Variants in CLNK observed in about 807,000 individuals in gnomAD.
The protein encoded by CLNK is cytokine dependent hematopoietic cell linker, also known as cytokine-dependent hematopoietic cell linker.
In CLNK, 74 loss-of-function variants were observed where a neutral mutation model predicts 68.6. That is an observed-to-expected ratio of 1.08 (90% CI 0.89 to 1.31). The LOEUF (loss-of-function observed/expected upper bound fraction) is 1.31. Among genes scored for constraint, CLNK ranks in the 50% most tolerant of loss-of-function variants. The pLI, the probability that CLNK is intolerant of heterozygous loss-of-function variation, is 0.00. For missense variants in CLNK, 553 were observed against 515.3 expected, an observed-to-expected ratio of 1.07 and a Z score of -0.71; for synonymous variants, 198 against 172.2, an observed-to-expected ratio of 1.15 and a Z score of -1.17.
chr4:10,688,252 G>A (rs1226374263), upstream of CLNK, among the ~76,000 whole-genome samples: 1 of 151,716 alleles, frequency 6.6e-6, no homozygotes, highest in Non-Finnish European at 1.5e-5. Context: ...TGTGTGTAGA[G>A]CTAAATCTAT....
chr4:10,593,595 A>G (rs1721270223), intron 3 of CLNK, among the ~76,000 whole-genome samples: 2 of 152,300 alleles, frequency 1.3e-5, no homozygotes, highest in African/African-American at 2.4e-5. Context: ...CGGAGGTTGC[A>G]GTGAGCTGAG....
intron 8 of CLNK, among the ~76,000 whole-genome samples, chr4:10,550,875 C>A (rs764764455): frequency 6.6e-6 from 1 of 152,166 alleles, no homozygotes; most frequent in Non-Finnish European, 1.5e-5. Context: ...ACTGCTCTTG[C>A]GCTTTTGGAC....
intron 2 of CLNK, among the ~76,000 whole-genome samples, chr4:10,638,125 G>A (rs1254316613): frequency 6.6e-6 from 1 of 152,088 alleles, no homozygotes; most frequent in Non-Finnish European, 1.5e-5. Flanking sequence ...TCTACACCAC[G>A]GCCTGACATT....
chr4:10,720,686 A>T, the CLNK span, among the ~76,000 whole-genome samples: 2 of 150,790 alleles, frequency 1.3e-5, no homozygotes, highest in Admixed American at 1.3e-4. Context: ...TACAAAAAAA[A>T]ATAGTGACAC....
chr4:10,648,913 A>G (rs1444355489), intron 2 of CLNK, among the ~76,000 whole-genome samples: 2 of 152,174 alleles, frequency 1.3e-5, no homozygotes, highest in East Asian at 3.8e-4. Context: ...CAAACCAGGG[A>G]GATCTGGTTT....
chr4:10,657,248 A>G (rs1420218461), intron 2 of CLNK, among the ~76,000 whole-genome samples: 1 of 152,234 alleles, frequency 6.6e-6, no homozygotes, highest in Admixed American at 6.5e-5. Flanking sequence ...CAAAGTATTT[A>G]TAATGATATA....
At chr4:10,686,954 C>T (rs2108906993), upstream of CLNK, among the ~76,000 whole-genome samples, 1 of 152,016 alleles carries the variant, frequency 6.6e-6, no homozygotes, top group Admixed American at 6.6e-5. Flanking sequence ...TGAATATATA[C>T]CATGCATCAG....
At position 10,636,653 on chromosome 4, in the gene CLNK, C is replaced by T. The variant is rs541389345; in HGVS notation, c.11+31206G>A. ...GTGTAGCAGAAGGAATAGCAGCACG[C>T]CAAGGCATGGAGACAGCTCTCATAC... On this transcript the variant is annotated intron_variant, in intron 2 of 18. Transcript: ENST00000226951. Among the ~76,000 whole-genome samples the T allele has an allele frequency of 3.9e-5, 6 of 152,192 alleles. No individual in the cohort carries two copies. The East Asian group carries it at 1.2e-3, about 29-fold the overall frequency.
intron 2 of CLNK, among the ~76,000 whole-genome samples, chr4:10,659,763 A>G (rs1229107395): frequency 6.6e-6 from 1 of 152,220 alleles, no homozygotes; most frequent in Non-Finnish European, 1.5e-5. Context: ...CTGAAATTTT[A>G]CACATCTAGA....
At chr4:10,652,059 A>G (rs998192895) in intron 2 of CLNK, among the ~76,000 whole-genome samples, 1 of 152,114 alleles carries the variant, frequency 6.6e-6, no homozygotes, top group African/African-American at 2.4e-5. Flanking sequence ...AATTTTAGTA[A>G]CTGTAAATGG....
chr4:10,732,283 G>T, the CLNK span, among the ~76,000 whole-genome samples: 1 of 152,214 alleles, frequency 6.6e-6, no homozygotes, highest in Non-Finnish European at 1.5e-5. Flanking sequence ...GCTACATCTG[G>T]CACATTACTG....
At chr4:10,632,054 C>G (rs1381309700) in intron 2 of CLNK, among the ~76,000 whole-genome samples, 1 of 152,202 alleles carries the variant, frequency 6.6e-6, no homozygotes, top group Non-Finnish European at 1.5e-5. Context: ...TGTTTACCTG[C>G]TATCTCTAAT....
intron 2 of CLNK, among the ~76,000 whole-genome samples, chr4:10,599,956 A>C (rs543398627): frequency 1.3e-5 from 2 of 152,346 alleles, no homozygotes; most frequent in South Asian, 4.1e-4. Flanking sequence ...TTAATAGCAG[A>C]ATATTATCAA....
intron 4 of CLNK, among the ~76,000 whole-genome samples, chr4:10,575,710 G>C (rs571171365): frequency 1.3e-5 from 2 of 152,254 alleles, no homozygotes; most frequent in African/African-American, 4.8e-5. Context: ...TTCTTGCCTT[G>C]ATAGCTGGGC....
At chr4:10,654,829 G>A (rs569262602) in intron 2 of CLNK, among the ~76,000 whole-genome samples, 19 of 152,176 alleles carry the variant, frequency 1.2e-4, no homozygotes, top group East Asian at 1.9e-4. Flanking sequence ...TCGGCCAGGC[G>A]TGGTGGCTCA....
At chr4:10,721,721 G>T in the CLNK span, among the ~76,000 whole-genome samples, 32 of 152,132 alleles carry the variant, frequency 2.1e-4, no homozygotes, top group Non-Finnish European at 4.6e-4. Context: ...GTTAGGCGTT[G>T]TACTAAGCAC....
chr4:10,711,880 G>A, the CLNK span, among the ~76,000 whole-genome samples: 8 of 152,328 alleles, frequency 5.3e-5, no homozygotes, highest in East Asian at 1.3e-3. Context: ...AAGGTTTGAA[G>A]TTGGGAGAAA....
chr4:10,600,732 T>A (rs1307659609), intron 2 of CLNK, among the ~76,000 whole-genome samples: 1 of 152,216 alleles, frequency 6.6e-6, no homozygotes. Flanking sequence ...TAGCGAGCCA[T>A]GTAGTTAACT....
rs559236799 is a variant in CLNK at position 10,624,891 on chromosome 4, C to T, written c.12-26842G>A. Among the ~76,000 whole-genome samples, 21 of 152,258 alleles carry T rather than the reference C, an allele frequency of 1.4e-4. No homozygotes were observed. In the South Asian group the frequency reaches 4.4e-3, roughly 32 times the overall value. ...CTTACAGAAGGAGATGTCCGCCCCA[C>T]ATCTCTAAACTCATGGGTGGAAACT... On this transcript the variant is annotated intron_variant, in intron 2 of 18. Coordinates refer to ENST00000226951, the MANE Select transcript of CLNK (RefSeq NM_052964.4).
Sources: allele counts gnomAD v4.1 joint callset (sites outside exome capture counted in the v4.1 genomes callset), GRCh38; gene constraint gnomAD v4.1.1; transcripts MANE v1.5; gene names NCBI Gene and HGNC (gene_info 2026-07-23, HGNC 2026-07-21).